The following ST6GAL1 variants were observed in gnomAD, a reference collection of about 807,000 sequenced individuals.
ST6GAL1 encodes the protein beta-galactoside alpha-2,6-sialyltransferase 1.
A neutral mutation model predicts 38.0 loss-of-function variants in ST6GAL1; 20 were observed. The ratio of observed to expected loss-of-function variants is 0.53; its 90% CI spans 0.37 to 0.77. The LOEUF is 0.77. Ranked by LOEUF, ST6GAL1 falls within the 30% of genes least tolerant of loss-of-function variation. The pLI, the probability that ST6GAL1 is intolerant of heterozygous loss-of-function variation, is 0.00. For missense variants in ST6GAL1, 432 were observed against 496.4 expected (o/e 0.87, Z 1.23); for synonymous variants, 196 against 188.2 (o/e 1.04, Z -0.34).
chr3:186,976,060 G>A (rs751263374), intron 2 of ST6GAL1, among the ~76,000 whole-genome samples: 3 of 152,122 alleles, frequency 2.0e-5, no homozygotes, highest in African/African-American at 4.8e-5. Flanking sequence ...CCACGGGCTC[G>A]CTAGAGTTCC....
rs914964823 is a variant in ST6GAL1 at position 187,027,854 on chromosome 3, C to T, written c.-182-10888C>T. ...GGGGCAGAAGAGAAGGAGCCAGCAA[C>T]GAGACCAGTAAGGCATTACCGGTAA... On this transcript the variant is annotated intron_variant, in intron 2 of 7. Coordinates refer to ENST00000169298, the MANE Select transcript of ST6GAL1 (RefSeq NM_173216.2). 9.9e-5 allele frequency among the ~76,000 whole-genome samples: 15 copies of T among 152,124 alleles called. No individual in the cohort carries two copies. The Middle Eastern group carries it at 0.014, about 139-fold the overall frequency.
At chr3:187,037,770 CT>C (rs1448814981) in intron 2 of ST6GAL1, among the ~76,000 whole-genome samples, 1 of 152,020 alleles carries the variant, frequency 6.6e-6, no homozygotes, top group African/African-American at 2.4e-5. Context: ...CATTTTTATA[CT>C]TTTGTACATT....
At chr3:186,938,324 G>A (rs10513807) in intron 1 of ST6GAL1, among the ~76,000 whole-genome samples, 77,245 of 152,026 alleles carry the variant, frequency 0.51, 19,725 homozygotes, top group South Asian at 0.58. Flanking sequence ...ACTATGTATC[G>A]CCTATGTAGA....
rs113898587 is a variant in ST6GAL1, at chr3:186,968,489, A to G, written c.-183+4563A>G. Among the ~76,000 whole-genome samples the G allele has an allele frequency of 1.7e-3, 261 of 152,240 alleles. 1 individual carries two copies. Among genetic ancestry groups the G allele is most frequent in the African/African-American group, 5.5e-3 (230 of 41,538 alleles). On this transcript the variant is annotated intron_variant, in intron 2 of 7. Coordinates refer to ENST00000169298, the MANE Select transcript of ST6GAL1 (RefSeq NM_173216.2). ...CTAATGAACATAACGATTACCCCTAAAAGTGTCCTTCCGAGCTTTATCCCT... is the reference window on the plus strand; with the variant it reads ...CTAATGAACATAACGATTACCCCTAGAAGTGTCCTTCCGAGCTTTATCCCT...
At chr3:186,987,250 AG>A (rs1193331530) in intron 2 of ST6GAL1, among the ~76,000 whole-genome samples, 7 of 150,634 alleles carry the variant, frequency 4.6e-5, no homozygotes, top group African/African-American at 1.5e-4. Flanking sequence ...AAGGAAAGAA[AG>A]GAAGAAAGAA....
In ST6GAL1 at chr3:187,014,835, C is replaced by A. The variant is rs148257205; in HGVS notation, c.-182-23907C>A. ...CTTATGGTCATTGTTGCCAGGATCT[C>A]ATTTATTGTGTACAGTAGCCTAAGA... is the stretch of plus-strand genomic sequence containing the variant. On this transcript the variant is annotated intron_variant, in intron 2 of 7. Transcript: ENST00000169298. Among the ~76,000 whole-genome samples the A allele has an allele frequency of 4.5e-4, 69 of 152,284 alleles. 1 individual carries two copies. The highest frequency in any genetic ancestry group is 7.6e-4 in the Non-Finnish European group (52 of 68,012).
In ST6GAL1 at chr3:187,048,960, G is replaced by A. The variant is rs150668770; in HGVS notation, c.608-2289G>A. ...GGCTGGAGTGCAGTGGCACAATCTC[G>A]GCTCACGCTAACCCCCGCCTCCTGG... On this transcript the variant is annotated intron_variant, in intron 4 of 7. Coordinates refer to ENST00000169298, the MANE Select transcript of ST6GAL1 (RefSeq NM_173216.2). Among the ~76,000 whole-genome samples the A allele has an allele frequency of 4.0e-3, 560 of 141,408 alleles. 7 individuals carry two copies. The highest frequency in any genetic ancestry group is 0.032 in the East Asian group (155 of 4,916). The allele number at this position is 141,408 out of a possible 152,430, so 92.8% of individuals were successfully genotyped here.
intron 6 of ST6GAL1, chr3:187,073,921 G>A: frequency 5.4e-6 from 2 of 366,988 alleles, no homozygotes; most frequent in Non-Finnish European, 9.6e-6. Flanking sequence ...CTGATCTTGG[G>A]TCGCCAAGCT....
Position 187,042,911 on chromosome 3 carries a change from G to A in ST6GAL1, c.208G>A (p.Asp70Asn). 2 of 1,614,164 alleles carry A rather than the reference G, an allele frequency of 1.2e-6. No individual in the cohort carries two copies. Among genetic ancestry groups the A allele is most frequent in the African/African-American group, 2.7e-5 (2 of 75,028 alleles). The change falls in exon 4 of 8, where the codon GAC becomes AAC. Residue 70 changes from aspartate (D) to asparagine (N), a missense_variant. Physicochemically the swap from Asp to Asn is conservative, Grantham distance 23. Transcript: ENST00000169298. Reference sequence around the variant, plus strand: ...GTCTGTATCCTCAAGCAGCACCCAGGACCCCCACAGGGGCCGCCAGACCCT... The same window carrying A: ...GTCTGTATCCTCAAGCAGCACCCAGAACCCCCACAGGGGCCGCCAGACCCT... Reference protein sequence around the residue: ...SQSVSSSSTQDPHRGRQTLGS... With the variant: ...SQSVSSSSTQNPHRGRQTLGS...
intron 2 of ST6GAL1, among the ~76,000 whole-genome samples, chr3:187,018,640 G>A (rs905309909): frequency 1.3e-5 from 2 of 152,194 alleles, no homozygotes; most frequent in Non-Finnish European, 2.9e-5. Context: ...CAGCAGATTA[G>A]ATGGTGCCCA....
chr3:186,945,747 G>A (rs1436721067), intron 1 of ST6GAL1, among the ~76,000 whole-genome samples: 1 of 151,894 alleles, frequency 6.6e-6, no homozygotes, highest in Non-Finnish European at 1.5e-5. Context: ...AGCACTTTGG[G>A]AGGCCAAGGC....
At chr3:186,949,583 G>T (rs539175689) in intron 1 of ST6GAL1, among the ~76,000 whole-genome samples, 1 of 152,346 alleles carries the variant, frequency 6.6e-6, no homozygotes, top group East Asian at 1.9e-4. Context: ...TTCTGTACTT[G>T]AAGAGTCCTG....
chr3:187,020,784 G>A (rs1283775306), intron 2 of ST6GAL1, among the ~76,000 whole-genome samples: 1 of 152,234 alleles, frequency 6.6e-6, no homozygotes, highest in African/African-American at 2.4e-5. Flanking sequence ...GAAGCCTTGA[G>A]TGAGTGGCCC....
At chr3:187,007,007 G>A (rs1359701975) in intron 2 of ST6GAL1, among the ~76,000 whole-genome samples, 2 of 152,214 alleles carry the variant, frequency 1.3e-5, no homozygotes, top group East Asian at 3.8e-4. Context: ...GTACAGCCAA[G>A]ATGAAATAAT....
At position 187,075,741 on chromosome 3, in the gene ST6GAL1, G is replaced by T. The variant is rs1418484317; in HGVS notation, c.1159G>T (p.Asp387Tyr). Residue 387 changes from aspartate (D) to tyrosine (Y), a missense_variant, in exon 8 of 8, where the codon GAT becomes TAT. By Grantham distance (160) the Asp-to-Tyr change is radical. Coordinates refer to ENST00000169298, the MANE Select transcript of ST6GAL1 (RefSeq NM_173216.2). The surrounding 1 kb of genome is among the most constrained non-coding windows in gnomAD (Gnocchi z 4.1). ...NLVKHLNQGT[D>Y]EDIYLLGKAT... The stretch of plus-strand genomic sequence containing the variant: ...GGTGAAGCATCTCAACCAGGGCACA[G>T]ATGAGGACATCTACCTGCTTGGAAA... 2 of 1,614,258 alleles carry T rather than the reference G, an allele frequency of 1.2e-6. No homozygotes were observed. The highest frequency in any genetic ancestry group is 1.7e-6 in the Non-Finnish European group (2 of 1,180,044).
chr3:187,062,856 G>T (rs1452339000), intron 5 of ST6GAL1, among the ~76,000 whole-genome samples: 1 of 152,162 alleles, frequency 6.6e-6, no homozygotes, highest in African/African-American at 2.4e-5. Context: ...ATGTCAGTAG[G>T]GGAGACAGTC....
At chr3:187,015,214 T>A (rs990758222) in intron 2 of ST6GAL1, among the ~76,000 whole-genome samples, 2 of 152,206 alleles carry the variant, frequency 1.3e-5, no homozygotes, top group African/African-American at 4.8e-5. Flanking sequence ...GACTGGCCCC[T>A]GTGTGCTTCT....
chr3:186,997,631 C>A (rs1445230445), intron 2 of ST6GAL1, among the ~76,000 whole-genome samples: 1 of 151,838 alleles, frequency 6.6e-6, no homozygotes, highest in African/African-American at 2.4e-5. Flanking sequence ...GTAGCACACA[C>A]CAGTAGTCAC....
At chr3:186,932,682 G>A (rs1257051327) in intron 1 of ST6GAL1, among the ~76,000 whole-genome samples, 3 of 152,188 alleles carry the variant, frequency 2.0e-5, no homozygotes, top group Non-Finnish European at 1.5e-5. Context: ...CCACGGGGAA[G>A]AAAGTGTGTC....
Sources: allele counts gnomAD v4.1 joint callset (sites outside exome capture counted in the v4.1 genomes callset), GRCh38; gene constraint gnomAD v4.1.1; non-coding constraint Gnocchi (gnomAD v3.1); transcripts MANE v1.5; gene names NCBI Gene and HGNC (gene_info 2026-07-23, HGNC 2026-07-21).